The following TMEM117 variants were observed in gnomAD, a reference collection of about 807,000 sequenced individuals.
TMEM117 encodes the protein transmembrane protein 117.
TMEM117 carries 27 observed loss-of-function variants against 52.4 expected under a neutral mutation model. The ratio of observed to expected loss-of-function variants is 0.51; its 90% CI spans 0.38 to 0.71. TMEM117 has a LOEUF of 0.71. Among genes scored for constraint, TMEM117 ranks in the 30% least tolerant of loss-of-function variants. The pLI is 0.00. For missense variants in TMEM117, 556 were observed against 630.5 expected (o/e 0.88, Z 1.26); for synonymous variants, 215 against 206.3 (o/e 1.04, Z -0.36).
chr12:43,988,651 G>A (rs1592418720), intron 3 of TMEM117, among the ~76,000 whole-genome samples: 1 of 151,822 alleles, frequency 6.6e-6, no homozygotes, highest in East Asian at 1.9e-4. Flanking sequence ...GAGTTTTGTG[G>A]GTACAATGTA....
intron 5 of TMEM117, among the ~76,000 whole-genome samples, chr12:44,226,570 A>G (rs1949864474): frequency 6.6e-6 from 1 of 151,982 alleles, no homozygotes; most frequent in Admixed American, 6.6e-5. Flanking sequence ...TATATCCCCC[A>G]AATTCACATG....
chr12:44,209,700 G>T (rs1297109700), intron 4 of TMEM117, among the ~76,000 whole-genome samples: 2 of 152,112 alleles, frequency 1.3e-5, no homozygotes, highest in Admixed American at 1.3e-4. Flanking sequence ...GACTAACTTT[G>T]GTTTTCATCA....
chr12:44,144,193 A>G (rs1948610515), intron 4 of TMEM117, among the ~76,000 whole-genome samples: 1 of 152,188 alleles, frequency 6.6e-6, no homozygotes, highest in Non-Finnish European at 1.5e-5. Context: ...TGTTACTATA[A>G]GCCTGGAACA....
rs147452833 is a variant in TMEM117, at chr12:43,979,674, C to A, written c.410+35332C>A. On this transcript the variant is annotated intron_variant, in intron 3 of 7. Transcript: ENST00000266534. ...ATAGGTTGCAAATTAGCGTTGATAG[C>A]CCATAAGTCATGCAAAAGTCTCCAT... Among the ~76,000 whole-genome samples, 52 of 152,234 alleles carry A rather than the reference C, an allele frequency of 3.4e-4. 2 individuals carry two copies. Among genetic ancestry groups the A allele is most frequent in the African/African-American group, 1.2e-3 (48 of 41,558 alleles).
chr12:44,133,735 G>A (rs984932848), intron 3 of TMEM117, among the ~76,000 whole-genome samples: 4 of 152,124 alleles, frequency 2.6e-5, no homozygotes. Context: ...TTGGGCTTTA[G>A]AGCTCTTCGT....
intron 2 of TMEM117, among the ~76,000 whole-genome samples, chr12:43,934,903 C>T (rs1377383765): frequency 3.9e-5 from 6 of 152,140 alleles, no homozygotes; most frequent in African/African-American, 7.2e-5. Context: ...CCATCCTAAC[C>T]GCCATAATGA....
chr12:43,944,455 T>A, intron 3 of TMEM117, 113 bp downstream of exon 3: 1 of 999,998 alleles, frequency 1.0e-6, no homozygotes, highest in Non-Finnish European at 1.4e-6. Flanking sequence ...TATTCTACCC[T>A]AAGAAGAAGG....
intron 2 of TMEM117, among the ~76,000 whole-genome samples, chr12:43,846,995 A>G (rs1943221469): frequency 6.6e-6 from 1 of 152,256 alleles, no homozygotes; most frequent in Non-Finnish European, 1.5e-5. Flanking sequence ...ACATATGTAT[A>G]GATGCACATA....
chr12:44,214,302 C>T (rs528010962), intron 5 of TMEM117, among the ~76,000 whole-genome samples: 11 of 151,794 alleles, frequency 7.2e-5, no homozygotes, highest in South Asian at 4.2e-4. Context: ...CGTACCACCA[C>T]GCCCAGCTAG....
intron 2 of TMEM117, among the ~76,000 whole-genome samples, chr12:43,907,050 G>GA (rs1244992447): frequency 1.1e-4 from 16 of 152,224 alleles, no homozygotes; most frequent in African/African-American, 3.4e-4. Flanking sequence ...GCAGGGCACA[G>GA]ACAAACAAAA....
intron 7 of TMEM117, among the ~76,000 whole-genome samples, chr12:44,386,343 G>A (rs559040092): frequency 1.3e-5 from 2 of 152,136 alleles, no homozygotes; most frequent in Non-Finnish European, 2.9e-5. Flanking sequence ...AACAGCACCA[G>A]ACGCTATAGA....
intron 5 of TMEM117, among the ~76,000 whole-genome samples, chr12:44,215,456 T>C (rs1336738367): frequency 6.6e-6 from 1 of 150,634 alleles, no homozygotes; most frequent in East Asian, 1.9e-4. Context: ...CCAAAGCCCT[T>C]TCCGTAGTCC....
intron 5 of TMEM117, among the ~76,000 whole-genome samples, chr12:44,219,292 C>G (rs1565605548): frequency 6.6e-6 from 1 of 150,892 alleles, no homozygotes; most frequent in Non-Finnish European, 1.5e-5. Flanking sequence ...CATTAACTCC[C>G]TATATTCTTT....
At chr12:44,145,112 G>A (rs1041621203) in intron 4 of TMEM117, among the ~76,000 whole-genome samples, 7 of 152,300 alleles carry the variant, frequency 4.6e-5, no homozygotes, top group Middle Eastern at 3.4e-3. Flanking sequence ...AGCCGAGATC[G>A]CGCCACTGAA....
intron 5 of TMEM117, among the ~76,000 whole-genome samples, chr12:44,225,717 C>G (rs909935473): frequency 6.6e-6 from 1 of 152,158 alleles, no homozygotes; most frequent in African/African-American, 2.4e-5. Flanking sequence ...GGACACTTAG[C>G]ATCATTGCTT....
At chr12:44,118,459 G>A (rs1173758542) in intron 3 of TMEM117, among the ~76,000 whole-genome samples, 2 of 152,148 alleles carry the variant, frequency 1.3e-5, no homozygotes, top group African/African-American at 4.8e-5. Context: ...GTCAACTGCT[G>A]AAAATGATAA....
intron 5 of TMEM117, among the ~76,000 whole-genome samples, chr12:44,226,088 A>G (rs1274111727): frequency 3.3e-5 from 5 of 152,238 alleles, no homozygotes; most frequent in African/African-American, 4.8e-5. Context: ...CTAACTGTTT[A>G]ATAAAATAAA....
At chr12:44,141,925 T>C (rs1004476794) in intron 3 of TMEM117, among the ~76,000 whole-genome samples, 8 of 152,188 alleles carry the variant, frequency 5.3e-5, no homozygotes, top group Admixed American at 6.5e-5. Context: ...GGAAATAAGT[T>C]TTAATTTTTA....
intron 3 of TMEM117, among the ~76,000 whole-genome samples, chr12:44,101,793 G>A (rs112449333): frequency 2.0e-5 from 3 of 152,122 alleles, no homozygotes; most frequent in African/African-American, 7.2e-5. Context: ...GTGTTCCTGA[G>A]CATGTGGCTG....
Sources: gnomAD v4.1 joint callset for allele counts (sites outside exome capture counted in the v4.1 genomes callset) on GRCh38, gnomAD v4.1.1 for gene constraint, MANE v1.5 for transcripts, NCBI Gene and HGNC (gene_info 2026-07-23, HGNC 2026-07-21) for gene names.